Variants in SGCZ observed in about 807,000 individuals in gnomAD.
SGCZ encodes sarcoglycan zeta.
SGCZ carries 40 observed loss-of-function variants against 41.3 expected under a neutral mutation model. That is an observed-to-expected ratio of 0.97 (90% CI 0.75 to 1.26). The LOEUF (loss-of-function observed/expected upper bound fraction) is 1.26. Among genes scored for constraint, SGCZ ranks in the 50% most tolerant of loss-of-function variants. The pLI, the probability that SGCZ is intolerant of heterozygous loss-of-function variation, is 0.00. For synonymous variants in SGCZ, 206 were observed against 137.5 expected, an observed-to-expected ratio of 1.50 and a Z score of -3.49; for missense variants, 552 against 369.8, an observed-to-expected ratio of 1.49 and a Z score of -4.04.
At chr8:15,112,357 G>T (rs1401649734) in intron 1 of SGCZ, among the ~76,000 whole-genome samples, 1 of 152,166 alleles carries the variant, frequency 6.6e-6, no homozygotes, top group African/African-American at 2.4e-5. Context: ...TGGACCTTCT[G>T]CTAGTAGCTT....
chr8:14,128,601 A>G (rs1234869308), intron 5 of SGCZ, among the ~76,000 whole-genome samples: 1 of 152,164 alleles, frequency 6.6e-6, no homozygotes, highest in Non-Finnish European at 1.5e-5. Flanking sequence ...TTGTAACTAC[A>G]TGTTTACTGC....
At chr8:14,137,934 G>C (rs1221788346) in intron 5 of SGCZ, among the ~76,000 whole-genome samples, 1 of 152,124 alleles carries the variant, frequency 6.6e-6, no homozygotes, top group African/African-American at 2.4e-5. Flanking sequence ...CAGAGAGAAA[G>C]GTCAGGTTAC....
rs370137866 is a variant in SGCZ, at chr8:15,069,943, GAC to G, written c.39+167640_39+167641del. ...TATTAGGCACAGACACACACACAAA[GAC>G]ACACACACACACACAAACCTGCAAG... On this transcript the variant is annotated intron_variant, in intron 1 of 7. Coordinates refer to ENST00000382080, the MANE Select transcript of SGCZ (RefSeq NM_139167.4). 8.5e-4 allele frequency among the ~76,000 whole-genome samples: 127 copies of G among 150,138 alleles called. 1 individual carries two copies. Among genetic ancestry groups the G allele is most frequent in the African/African-American group, 2.9e-3 (119 of 40,902 alleles).
intron 1 of SGCZ, among the ~76,000 whole-genome samples, chr8:14,757,960 T>C (rs573574194): frequency 6.6e-6 from 1 of 152,328 alleles, no homozygotes; most frequent in Admixed American, 6.5e-5. Context: ...CTCTATGAGA[T>C]ATGTATAAGC....
At chr8:14,538,342 C>T (rs1156976284) in intron 2 of SGCZ, among the ~76,000 whole-genome samples, 1 of 151,824 alleles carries the variant, frequency 6.6e-6, no homozygotes, top group Non-Finnish European at 1.5e-5. Context: ...ACACACAGGG[C>T]TTGTTTTAAG....
chr8:14,146,748 T>G (rs1431607582), intron 5 of SGCZ, among the ~76,000 whole-genome samples: 1 of 147,252 alleles, frequency 6.8e-6, no homozygotes, highest in East Asian at 2.0e-4. Flanking sequence ...GGCGGGCGCC[T>G]GTAGTCCCAG....
At chr8:15,056,503 G>T (rs1804709824) in intron 1 of SGCZ, among the ~76,000 whole-genome samples, 2 of 150,940 alleles carry the variant, frequency 1.3e-5, no homozygotes, top group South Asian at 2.1e-4. Flanking sequence ...ATACATGAAT[G>T]ATGTTGTTTT....
chr8:14,652,933 C>T (rs1807450547), intron 1 of SGCZ, among the ~76,000 whole-genome samples: 1 of 152,030 alleles, frequency 6.6e-6, no homozygotes, highest in Admixed American at 6.6e-5. Flanking sequence ...TCTTAATTAT[C>T]ATACAAAAAT....
At chr8:14,620,324 A>G (rs1806242235) in intron 1 of SGCZ, among the ~76,000 whole-genome samples, 1 of 152,160 alleles carries the variant, frequency 6.6e-6, no homozygotes, top group African/African-American at 2.4e-5. Flanking sequence ...TAGACCTAAA[A>G]CCATAAAAAC....
chr8:14,872,634 A>G (rs887117264), intron 1 of SGCZ, among the ~76,000 whole-genome samples: 1 of 152,134 alleles, frequency 6.6e-6, no homozygotes, highest in Non-Finnish European at 1.5e-5. Context: ...CTATAAATAC[A>G]TTAGATTTCA....
intron 1 of SGCZ, among the ~76,000 whole-genome samples, chr8:14,574,656 G>A (rs778348051): frequency 6.6e-6 from 1 of 152,106 alleles, no homozygotes; most frequent in Non-Finnish European, 1.5e-5. Flanking sequence ...TACTTACACT[G>A]TATCTTTGGG....
Position 14,108,054 on chromosome 8 carries a change from A to C in SGCZ, c.620+109T>G. 5.0e-6 allele frequency: 4 copies of C among 794,454 alleles called. No homozygotes were observed. The South Asian group carries it at 7.6e-5, about 15-fold the overall frequency. The allele number at this position is 794,454 out of a possible 1,614,324, so 49.2% of individuals were successfully genotyped here. ...ATATATTCATTTTTGTATTTATTTT[A>C]AGTATATTGGGAGAAACATTTGTCT... On this transcript the variant is annotated intron_variant, in intron 6 of 7. Coordinates refer to ENST00000382080, the MANE Select transcript of SGCZ (RefSeq NM_139167.4).
intron 1 of SGCZ, among the ~76,000 whole-genome samples, chr8:15,065,686 G>A (rs1252950295): frequency 6.6e-6 from 1 of 151,836 alleles, no homozygotes; most frequent in Non-Finnish European, 1.5e-5. Context: ...CAATCCATCT[G>A]CCTCAGTCTC....
intron 1 of SGCZ, among the ~76,000 whole-genome samples, chr8:14,620,099 C>T (rs572126213): frequency 2.1e-4 from 32 of 152,186 alleles, no homozygotes; most frequent in African/African-American, 5.5e-4. Flanking sequence ...GAGATATAGA[C>T]CAATGGAACA....
intron 2 of SGCZ, among the ~76,000 whole-genome samples, chr8:14,397,760 T>G (rs1169516188): frequency 1.3e-5 from 2 of 152,110 alleles, no homozygotes; most frequent in Admixed American, 1.3e-4. Context: ...ATACTAGAGT[T>G]CCCCTTCATC....
chr8:14,249,002 G>C (rs969108460), intron 3 of SGCZ, among the ~76,000 whole-genome samples: 2 of 152,176 alleles, frequency 1.3e-5, no homozygotes, highest in Non-Finnish European at 2.9e-5. Context: ...TATAGTACCT[G>C]TGATGGTTAG....
chr8:14,594,219 A>C (rs1805334317), intron 1 of SGCZ, among the ~76,000 whole-genome samples: 1 of 147,454 alleles, frequency 6.8e-6, no homozygotes, highest in Admixed American at 6.8e-5. Context: ...TAAATAAATA[A>C]ATAAATAAAA....
At chr8:14,410,576 AG>A (rs1799332859) in intron 2 of SGCZ, among the ~76,000 whole-genome samples, 1 of 151,534 alleles carries the variant, frequency 6.6e-6, no homozygotes, top group Non-Finnish European at 1.5e-5. Context: ...ACATGGACAC[AG>A]GGAGGGGAAC....
intron 7 of SGCZ, among the ~76,000 whole-genome samples, chr8:14,091,248 T>G (rs1481807554): frequency 1.3e-5 from 2 of 151,894 alleles, no homozygotes; most frequent in African/African-American, 2.4e-5. Context: ...GATGGACATT[T>G]GGGTTGGTCC....
Sources: gnomAD v4.1 joint callset for allele counts (sites outside exome capture counted in the v4.1 genomes callset) on GRCh38, gnomAD v4.1.1 for gene constraint, MANE v1.5 for transcripts, NCBI Gene and HGNC (gene_info 2026-07-23, HGNC 2026-07-21) for gene names.